FREM1: variants seen among roughly 807,000 people sequenced by gnomAD.
FREM1 encodes the protein FRAS1-related extracellular matrix protein 1.
A neutral mutation model predicts 210.1 loss-of-function variants in FREM1; 220 were observed. The observed-to-expected ratio is 1.05, with a 90% confidence interval of 0.94 to 1.17. The LOEUF (loss-of-function observed/expected upper bound fraction) is 1.17. Among genes scored for constraint, FREM1 ranks in the 50% most tolerant of loss-of-function variants. The pLI is 0.00. For missense variants in FREM1, 3,454 were observed against 2,675.5 expected, an observed-to-expected ratio of 1.29 and a Z score of -6.42; for synonymous variants, 1,189 against 980.2, an observed-to-expected ratio of 1.21 and a Z score of -3.98.
chr9:14,858,904 T>A (rs1285547431), intron 4 of FREM1, among the ~76,000 whole-genome samples: 1 of 152,184 alleles, frequency 6.6e-6, no homozygotes, highest in Non-Finnish European at 1.5e-5. Context: ...TTTACTCTTA[T>A]CCTTACCCAA....
At chr9:14,871,657 A>C (rs1457244940) in intron 1 of FREM1, among the ~76,000 whole-genome samples, 1 of 152,048 alleles carries the variant, frequency 6.6e-6, no homozygotes, top group Non-Finnish European at 1.5e-5. Flanking sequence ...TCTTTAGTTT[A>C]ATTAGATCCC....
chr9:14,758,365 T>C (rs1304466028), intron 28 of FREM1, among the ~76,000 whole-genome samples: 1 of 152,194 alleles, frequency 6.6e-6, no homozygotes, highest in Non-Finnish European at 1.5e-5. Flanking sequence ...CTAGAGCATA[T>C]GGTGCTTTCT....
chr9:14,840,606 T>C (rs1465005797), intron 10 of FREM1, among the ~76,000 whole-genome samples: 1 of 152,174 alleles, frequency 6.6e-6, no homozygotes. Context: ...CATGATTCAA[T>C]TACCTCCCAC....
At chr9:14,838,994 A>C (rs1269114947) in intron 10 of FREM1, among the ~76,000 whole-genome samples, 1 of 152,212 alleles carries the variant, frequency 6.6e-6, no homozygotes, top group Non-Finnish European at 1.5e-5. Context: ...ACCACCAACC[A>C]GAAGAGGGAG....
At chr9:14,829,152 C>A (rs1823066577) in intron 10 of FREM1, among the ~76,000 whole-genome samples, 1 of 152,164 alleles carries the variant, frequency 6.6e-6, no homozygotes, top group Non-Finnish European at 1.5e-5. Flanking sequence ...TTAATGTTTG[C>A]AAACTGAGTA....
chr9:14,769,219 T>C (rs1563877341), intron 27 of FREM1, among the ~76,000 whole-genome samples: 2 of 152,216 alleles, frequency 1.3e-5, no homozygotes, highest in Non-Finnish European at 2.9e-5. Flanking sequence ...TTGTCTTACA[T>C]GGGATAAGTT....
rs1563921048 is a variant in FREM1 at position 14,784,475 on chromosome 9, T to C, written c.4337A>G (p.His1446Arg). The C allele has an allele frequency of 1.2e-6, 2 of 1,613,888 alleles. No individual in the cohort carries two copies. The highest frequency in any genetic ancestry group is 2.2e-5 in the East Asian group (1 of 44,860). Residue 1446 changes from histidine to arginine, a missense_variant, in exon 24 of 37, where the codon CAC (histidine) becomes CGC (arginine). Coordinates refer to ENST00000380880, the MANE Select transcript of FREM1 (RefSeq NM_001379081.2). ...GTTTGTAATGGGAACTCCAGGATAGTGAACATATTCGATCTGGCCATATCG... is the reference window on the plus strand; with the variant it reads ...GTTTGTAATGGGAACTCCAGGATAGCGAACATATTCGATCTGGCCATATCG... ...PPRYGQIEYV[H>R]YPGVPITNFS...
intron 26 of FREM1, 55 bp downstream of exon 26, chr9:14,770,550 T>G: frequency 2.2e-6 from 3 of 1,352,832 alleles, no homozygotes; most frequent in Non-Finnish European, 3.2e-6. Context: ...TCTCTAGCCC[T>G]GCCAGCCACT....
chr9:14,883,003 A>G (rs1205436492), intron 1 of FREM1, among the ~76,000 whole-genome samples: 2 of 150,914 alleles, frequency 1.3e-5, no homozygotes, highest in Non-Finnish European at 3.0e-5. Context: ...TTAATTACAA[A>G]CCCCCATACA....
chr9:14,782,044 GAAC>G (rs1471442857), intron 24 of FREM1, among the ~76,000 whole-genome samples: 1 of 152,180 alleles, frequency 6.6e-6, no homozygotes, highest in Non-Finnish European at 1.5e-5. Flanking sequence ...GAACAATTCA[GAAC>G]AACAGACTAG....
rs145578438 is a variant in FREM1 at position 14,895,098 on chromosome 9, C to A, written c.-268+14816G>T. Among the ~76,000 whole-genome samples the A allele has an allele frequency of 4.6e-3, 696 of 152,284 alleles. 11 individuals are homozygous for A. Among genetic ancestry groups the A allele is most frequent in the African/African-American group, 0.016 (663 of 41,544 alleles). On this transcript the variant is annotated intron_variant, in intron 1 of 36. Coordinates refer to ENST00000380880, the MANE Select transcript of FREM1 (RefSeq NM_001379081.2). Reference sequence around the variant, plus strand: ...GGACCTCAGGAGGAGAGGAATTTACCCAACTCACAGGTATTTGAGGGTACA... The same window carrying A: ...GGACCTCAGGAGGAGAGGAATTTACACAACTCACAGGTATTTGAGGGTACA...
At chr9:14,783,494 G>A (rs530901293) in intron 24 of FREM1, among the ~76,000 whole-genome samples, 1 of 152,246 alleles carries the variant, frequency 6.6e-6, no homozygotes, top group East Asian at 1.9e-4. Context: ...GCCTCCTTCT[G>A]AACTGACAGA....
At chr9:14,885,553 G>A (rs1401630199) in intron 1 of FREM1, among the ~76,000 whole-genome samples, 3 of 151,930 alleles carry the variant, frequency 2.0e-5, no homozygotes, top group Non-Finnish European at 2.9e-5. Context: ...CAGGTACCTG[G>A]GACTACAGGC....
intron 13 of FREM1, among the ~76,000 whole-genome samples, chr9:14,819,796 T>C (rs1304829430): frequency 1.3e-5 from 2 of 152,212 alleles, no homozygotes; most frequent in Admixed American, 6.5e-5. Context: ...CCCATCACTG[T>C]TCAATACACA....
At chr9:14,844,909 T>G (rs1222696440) in intron 8 of FREM1, among the ~76,000 whole-genome samples, 1 of 152,206 alleles carries the variant, frequency 6.6e-6, no homozygotes, top group Non-Finnish European at 1.5e-5. Context: ...GCCACTACAC[T>G]TGGATTTCTC....
chr9:14,824,249 A>AAAG (rs1821914297), intron 11 of FREM1, 134 bp from the exon 12 acceptor site: 1 of 601,558 alleles, frequency 1.7e-6, no homozygotes, highest in Admixed American at 2.7e-5. Flanking sequence ...TTCTCTCTTT[A>AAAG]TGTTGGGAGA....
At position 14,769,942 on chromosome 9, in the gene FREM1, C is replaced by G. The variant is rs73413773; in HGVS notation, c.5060-74G>C. 6.9e-4 allele frequency: 501 copies of G among 721,590 alleles called. 2 individuals carry two copies. In the African/African-American group the frequency reaches 7.9e-3, roughly 11 times the overall value. The allele number at this position is 721,590 out of a possible 1,614,324, so 44.7% of individuals were successfully genotyped here. A position where few individuals can be genotyped will look rare whatever the true frequency, so the allele number is the denominator to read the frequency against. On this transcript the variant is annotated intron_variant, in intron 26 of 36. Transcript: ENST00000380880. Reference sequence around the variant, plus strand: ...AATAAAAGCTAATAAAATTGTATGGCTATTTTATTTTAAACACAGCTTTAA... The same window carrying G: ...AATAAAAGCTAATAAAATTGTATGGGTATTTTATTTTAAACACAGCTTTAA...
chr9:14,871,623 T>C (rs936241564), intron 1 of FREM1, among the ~76,000 whole-genome samples: 12 of 152,212 alleles, frequency 7.9e-5, no homozygotes, highest in Non-Finnish European at 1.6e-4. Flanking sequence ...ACTCTGATGG[T>C]AGTTTCTTTT....
Position 14,868,880 on chromosome 9 carries a change from C to A in FREM1, c.98G>T (p.Arg33Met). ...GAAGGCAGAGTGGCCCTTCATCACC[C>A]TCACCCCGCGGTTGATGCTGATGAA... ...PTFISINRGV[R>M]VMKGHSAFLS... The change falls in exon 2 of 37, where the codon AGG (arginine) becomes ATG (methionine). Residue 33 changes from arginine to methionine, a missense_variant. By Grantham distance (91) the Arg-to-Met change is moderately conservative. Transcript: ENST00000380880. The A allele has an allele frequency of 6.2e-7, 1 of 1,607,718 alleles. No individual in the cohort carries two copies. Among genetic ancestry groups the A allele is most frequent in the African/African-American group, 1.3e-5 (1 of 74,936 alleles).
Sources: gnomAD v4.1 joint callset for allele counts (sites outside exome capture counted in the v4.1 genomes callset) on GRCh38, gnomAD v4.1.1 for gene constraint, MANE v1.5 for transcripts, NCBI Gene and HGNC (gene_info 2026-07-23, HGNC 2026-07-21) for gene names.